The following GRK4 variants were observed in gnomAD, a reference collection of about 807,000 sequenced individuals.
The protein encoded by GRK4 is G protein-coupled receptor kinase 4.
A neutral mutation model predicts 77.9 loss-of-function variants in GRK4; 73 were observed. The ratio of observed to expected loss-of-function variants is 0.94; its 90% CI spans 0.78 to 1.14. The LOEUF is 1.14. Ranked by LOEUF, GRK4 falls within the 50% of genes most tolerant of loss-of-function variation. The probability of loss-of-function intolerance (pLI) is 0.00; values close to 1 mark genes in which losing one functional copy is unlikely to be tolerated. For synonymous variants in GRK4, 257 were observed against 254.4 expected (o/e 1.01, Z -0.10); for missense variants, 729 against 700.2 (o/e 1.04, Z -0.46).
chr4:3,039,184 C>T (rs1001164533), intron 15 of GRK4, among the ~76,000 whole-genome samples: 2 of 151,966 alleles, frequency 1.3e-5, no homozygotes, highest in Non-Finnish European at 2.9e-5. Flanking sequence ...CCACTGTACT[C>T]CAGCCTGGGC....
intron 10 of GRK4, among the ~76,000 whole-genome samples, chr4:3,027,653 A>G (rs1314158228): frequency 6.6e-6 from 1 of 152,188 alleles, no homozygotes; most frequent in Non-Finnish European, 1.5e-5. Context: ...TGTCTTATCA[A>G]GTGGTGGCCT....
At chr4:2,988,977 G>A (rs1725293652) in intron 3 of GRK4, 138 bp downstream of exon 3, 1 of 600,066 alleles carries the variant, frequency 1.7e-6, no homozygotes, top group Admixed American at 2.5e-5. Context: ...GAGGTCAGGA[G>A]ATCGAGACCA....
At chr4:2,965,203 A>T in intron 1 of GRK4, 2 of 690,890 alleles carry the variant, frequency 2.9e-6, no homozygotes, top group Non-Finnish European at 5.3e-6. Flanking sequence ...GTACCTTAAC[A>T]TAAATATCCT....
In GRK4 at chr4:2,963,971, G is replaced by C. The variant is rs765278018; in HGVS notation, c.-100G>C. The C allele has an allele frequency of 1.9e-6, 2 of 1,075,964 alleles. No individual in the cohort carries two copies. Among genetic ancestry groups the C allele is most frequent in the East Asian group, 5.0e-5 (2 of 40,172 alleles). 66.7% of individuals were successfully genotyped at this position (1,075,964 alleles called of 1,614,324 possible). On this transcript the variant is annotated 5_prime_UTR_variant, in exon 1 of 16. Transcript: ENST00000398052. ...GTCCGGAGCTCGAGGAGAGGGTGGTGCCCGGCGAGCTATGCACGGGGGCGG... is the reference window on the plus strand; with the variant it reads ...GTCCGGAGCTCGAGGAGAGGGTGGTCCCCGGCGAGCTATGCACGGGGGCGG...
chr4:2,988,931 T>A, intron 3 of GRK4, 92 bp downstream of exon 3: 1 of 781,246 alleles, frequency 1.3e-6, no homozygotes. Flanking sequence ...CATGCTGTAA[T>A]CCCAGCATTT....
chr4:2,969,210 C>T (rs1311323249), intron 1 of GRK4: 3 of 152,180 alleles, frequency 2.0e-5, no homozygotes, highest in Admixed American at 2.0e-4. Flanking sequence ...TCAAAGTTGC[C>T]TTTGAAATTC....
chr4:3,028,140 C>T, intron 11 of GRK4, 139 bp downstream of exon 11: 1 of 713,028 alleles, frequency 1.4e-6, no homozygotes, highest in Non-Finnish European at 2.4e-6. Context: ...TTTTGAATCT[C>T]TAACCTGTCA....
At position 3,037,402 on chromosome 4, in the gene GRK4, T is replaced by C. The variant is rs1377359706; in HGVS notation, c.1436T>C (p.Leu479Pro). ...DPHAVYCKDV[L>P]DIEQFSVVKG... ...CATGCCGTTTACTGTAAGGACGTCC[T>C]GGATATCGAGCAGTTCTCGGTGGTG... The change falls in exon 14 of 16, where the codon CTG (leucine) becomes CCG (proline). Residue 479 changes from leucine to proline, a missense_variant. Physicochemically the swap from Leu to Pro is moderately conservative, Grantham distance 98. Coordinates refer to ENST00000398052, the MANE Select transcript of GRK4 (RefSeq NM_182982.3). The C allele has an allele frequency of 2.2e-5, 36 of 1,607,596 alleles. No homozygotes were observed. The highest frequency in any genetic ancestry group is 2.9e-5 in the Non-Finnish European group (34 of 1,174,962).
intron 5 of GRK4, among the ~76,000 whole-genome samples, chr4:3,005,337 C>T (rs372123781): frequency 6.6e-6 from 1 of 151,948 alleles, no homozygotes; most frequent in African/African-American, 2.4e-5. Flanking sequence ...TTAAAAAGAT[C>T]GCTCTGGGTG....
intron 10 of GRK4, among the ~76,000 whole-genome samples, chr4:3,026,381 CAAT>C (rs552961360): frequency 0.011 from 1,665 of 152,106 alleles, 26 homozygotes; most frequent in African/African-American, 0.038. Context: ...AAAAATAAGA[CAAT>C]GATACGAAAA....
rs574844470 is a variant in GRK4, at chr4:2,964,049, C to CCGGCGG, written c.-13_-8dup. On this transcript the variant is annotated 5_prime_UTR_variant, in exon 1 of 16. Coordinates refer to ENST00000398052, the MANE Select transcript of GRK4 (RefSeq NM_182982.3). ...AGTCTCCTCGGTCTCGCAGAATCCG[C>CCGGCGG]CGGCGGCGGCGGCGCCAGGACATGG... 1.9e-6 allele frequency: 3 copies of CCGGCGG among 1,602,618 alleles called. No individual in the cohort carries two copies. The highest frequency in any genetic ancestry group is 2.2e-5 in the East Asian group (1 of 44,490).
chr4:2,985,278 G>A (rs1388106849), intron 2 of GRK4, among the ~76,000 whole-genome samples: 1 of 151,894 alleles, frequency 6.6e-6, no homozygotes, highest in Admixed American at 6.6e-5. Context: ...ACGGGTGTGT[G>A]TAATCCCAGC....
chr4:3,025,760 T>C (rs369200445), intron 10 of GRK4, among the ~76,000 whole-genome samples: 2 of 151,938 alleles, frequency 1.3e-5, no homozygotes, highest in African/African-American at 2.4e-5. Flanking sequence ...CACCGCAAAA[T>C]AGAGTGTATC....
rs373605469 is a variant in GRK4, at chr4:3,004,346, A to C, written c.443+12A>C. The C allele has an allele frequency of 6.6e-7, 1 of 1,515,862 alleles. No homozygotes were observed. Among genetic ancestry groups the C allele is most frequent in the South Asian group, 1.1e-5 (1 of 89,230 alleles). 93.9% of individuals were successfully genotyped at this position (1,515,862 alleles called of 1,614,324 possible). Reference sequence around the variant, plus strand: ...GAGGAATGTACTAGGTAAGTGGTTCATGCTGAGCCCTGCATATATTATCTA... The same window carrying C: ...GAGGAATGTACTAGGTAAGTGGTTCCTGCTGAGCCCTGCATATATTATCTA... On this transcript the variant is annotated intron_variant, in intron 5 of 15. Transcript: ENST00000398052.
At chr4:3,014,292 C>CTTTT (rs1733790149) in intron 8 of GRK4, among the ~76,000 whole-genome samples, 1 of 123,756 alleles carries the variant, frequency 8.1e-6, no homozygotes, top group East Asian at 2.5e-4. Context: ...CTCTCTCTCT[C>CTTTT]TCTCTTTTTT....
At chr4:2,986,074 C>A (rs1364411542) in intron 2 of GRK4, among the ~76,000 whole-genome samples, 1 of 150,168 alleles carries the variant, frequency 6.7e-6, no homozygotes, top group African/African-American at 2.4e-5. Flanking sequence ...ATTTTCAGTT[C>A]AAAGGGTACA....
intron 4 of GRK4, 64 bp from the exon 5 acceptor site, chr4:3,004,167 G>GTTC (rs1730635782): frequency 4.3e-6 from 5 of 1,156,816 alleles, no homozygotes; most frequent in Non-Finnish European, 5.2e-6. Context: ...TAAGCATTAG[G>GTTC]TTCTGTTCAC....
At chr4:2,991,713 T>C (rs1321745002) in intron 3 of GRK4, among the ~76,000 whole-genome samples, 1 of 151,972 alleles carries the variant, frequency 6.6e-6, no homozygotes, top group East Asian at 1.9e-4. Context: ...GTTTTCACTA[T>C]GTTGGCCAGG....
chr4:3,035,585 CTCTT>C (rs1740392741), intron 13 of GRK4, 62 bp downstream of exon 13: 3 of 1,521,460 alleles, frequency 2.0e-6, no homozygotes, highest in Non-Finnish European at 2.6e-6. Flanking sequence ...CACGGTTTTT[CTCTT>C]TCTTTTTTCA....
Sources: gnomAD v4.1 joint callset for allele counts (sites outside exome capture counted in the v4.1 genomes callset) on GRCh38, gnomAD v4.1.1 for gene constraint, MANE v1.5 for transcripts, NCBI Gene and HGNC (gene_info 2026-07-23, HGNC 2026-07-21) for gene names.